Variants in PRKD1 observed in about 807,000 individuals in gnomAD.
The protein encoded by PRKD1 is serine/threonine-protein kinase D1.
A neutral mutation model predicts 95.9 loss-of-function variants in PRKD1; 63 were observed. The ratio of observed to expected loss-of-function variants is 0.66; its 90% confidence interval spans 0.54 to 0.81. The LOEUF (loss-of-function observed/expected upper bound fraction) is 0.81. Ranked by LOEUF, PRKD1 falls within the 30% of genes least tolerant of loss-of-function variation. The pLI is 0.00. For missense variants in PRKD1, 1,048 were observed against 1,165.3 expected (o/e 0.90, Z 1.47); for synonymous variants, 425 against 423.1 (o/e 1.00, Z -0.05).
intron 2 of PRKD1, among the ~76,000 whole-genome samples, chr14:29,704,386 C>G (rs540195949): frequency 2.0e-5 from 3 of 152,280 alleles, no homozygotes; most frequent in South Asian, 4.2e-4. Context: ...CATTTGGTAT[C>G]GAGTCCGACT....
At chr14:29,780,283 C>G (rs1267855956) in intron 1 of PRKD1, among the ~76,000 whole-genome samples, 1 of 152,174 alleles carries the variant, frequency 6.6e-6, no homozygotes, top group Non-Finnish European at 1.5e-5. Flanking sequence ...CCAAAATTAA[C>G]AAATGGGATC....
chr14:29,607,898 A>C (rs1242149594), intron 13 of PRKD1, among the ~76,000 whole-genome samples: 1 of 152,196 alleles, frequency 6.6e-6, no homozygotes, highest in African/African-American at 2.4e-5. Context: ...CATTCTGCCT[A>C]CCACACCATA....
At position 29,599,053 on chromosome 14, in the gene PRKD1, G is replaced by A. The variant is rs1893416354; in HGVS notation, c.2140C>T (p.Leu714=). The change falls in exon 15 of 18, where the codon CTA becomes TTA. Residue 714 remains leucine (L), a synonymous_variant. Transcript: ENST00000331968. Reference sequence around the variant, plus strand: ...TGAGGAAAAGGATCAGCTGAGGCTAGCAACACATTTTCTGGTTTGAGGTCA... The same window carrying A: ...TGAGGAAAAGGATCAGCTGAGGCTAACAACACATTTTCTGGTTTGAGGTCA... ...HCDLKPENVL[L]ASADPFPQVK... 6.2e-7 allele frequency: 1 copy of A among 1,613,728 alleles called. No individual in the cohort carries two copies.
intron 1 of PRKD1, among the ~76,000 whole-genome samples, chr14:29,881,953 T>G (rs1356224762): frequency 6.6e-6 from 1 of 152,182 alleles, no homozygotes; most frequent in Non-Finnish European, 1.5e-5. Context: ...TACTTATCCC[T>G]TCCATAGTTT....
At chr14:29,649,169 A>G in intron 4 of PRKD1, among the ~76,000 whole-genome samples, 1 of 152,112 alleles carries the variant, frequency 6.6e-6, no homozygotes, top group African/African-American at 2.4e-5. Flanking sequence ...GGCCTGCCTG[A>G]TTTTTTTAGC....
chr14:29,829,088 GCAAACC>G (rs1443737728), intron 1 of PRKD1, among the ~76,000 whole-genome samples: 1 of 152,092 alleles, frequency 6.6e-6, no homozygotes, highest in African/African-American at 2.4e-5. Context: ...CATGGCCCAG[GCAAACC>G]CAAATCCATA....
rs45540041 is a variant in PRKD1 at position 29,756,338 on chromosome 14, A to G, written c.265-30664T>C. Among the ~76,000 whole-genome samples the G allele has an allele frequency of 3.6e-3, 546 of 152,326 alleles. 7 individuals are homozygous for G. Among genetic ancestry groups the G allele is most frequent in the African/African-American group, 0.012 (486 of 41,576 alleles). On this transcript the variant is annotated intron_variant, in intron 1 of 17. Coordinates refer to ENST00000331968, the MANE Select transcript of PRKD1 (RefSeq NM_002742.3). Reference sequence around the variant, plus strand: ...AGTGTTCTTTCTCTGTACTATGCGTAAAGACTTTCTAAGTTCTTAAATCAA... The same window carrying G: ...AGTGTTCTTTCTCTGTACTATGCGTGAAGACTTTCTAAGTTCTTAAATCAA...
At chr14:29,811,431 C>T (rs754061253) in intron 1 of PRKD1, among the ~76,000 whole-genome samples, 1 of 152,150 alleles carries the variant, frequency 6.6e-6, no homozygotes, top group Non-Finnish European at 1.5e-5. Flanking sequence ...ACTGCTCGAG[C>T]CCACAGGCAG....
intron 4 of PRKD1, 118 bp from the exon 5 acceptor site, chr14:29,639,022 G>T: frequency 2.7e-6 from 2 of 730,766 alleles, no homozygotes; most frequent in Non-Finnish European, 4.3e-6. Flanking sequence ...TTAATAATAT[G>T]AAATCATACT....
Position 29,798,247 on chromosome 14 carries a change from T to G in PRKD1, c.265-72573A>C, listed in dbSNP as rs571473886. ...GAATTGCACTTTTCTGACAGCAATA[T>G]GCAGTTCCACGCAGTTCCACCCACT... On this transcript the variant is annotated intron_variant, in intron 1 of 17. Coordinates refer to ENST00000331968, the MANE Select transcript of PRKD1 (RefSeq NM_002742.3). Among the ~76,000 whole-genome samples, 27 of 152,336 alleles carry G rather than the reference T, an allele frequency of 1.8e-4. No homozygotes were observed. In the South Asian group the frequency reaches 5.6e-3, roughly 32 times the overall value.
chr14:29,708,961 T>G (rs1166989437), intron 2 of PRKD1, among the ~76,000 whole-genome samples: 1 of 152,186 alleles, frequency 6.6e-6, no homozygotes, highest in Non-Finnish European at 1.5e-5. Flanking sequence ...AGATATATTT[T>G]GGTGTACTTT....
At position 29,638,692 on chromosome 14, in the gene PRKD1, A is replaced by C; in HGVS notation, c.907+2T>G. 6.2e-7 allele frequency: 1 copy of C among 1,613,948 alleles called. No individual in the cohort carries two copies. The highest frequency in any genetic ancestry group is 8.5e-7 in the Non-Finnish European group (1 of 1,179,884). On this transcript the variant is annotated splice_donor_variant, in intron 5 of 17. Transcript: ENST00000331968. LOFTEE classifies it high-confidence loss of function. Reference sequence around the variant, plus strand: ...TTCGACAGGTGACAAAATCATCCTTACCTTTGCACTGCAAGCCCTGCCTGA... The same window carrying C: ...TTCGACAGGTGACAAAATCATCCTTCCCTTTGCACTGCAAGCCCTGCCTGA...
intron 10 of PRKD1, among the ~76,000 whole-genome samples, chr14:29,629,998 TCTTCTC>T (rs1240279450): frequency 1.4e-5 from 2 of 142,644 alleles, no homozygotes; most frequent in Admixed American, 7.0e-5. Flanking sequence ...CTCTTCTTCT[TCTTCTC>T]CTTCTCCTTC....
chr14:29,861,062 T>C (rs1226646054), intron 1 of PRKD1, among the ~76,000 whole-genome samples: 1 of 152,220 alleles, frequency 6.6e-6, no homozygotes, highest in Admixed American at 6.5e-5. Context: ...TATTAAAAAT[T>C]ATTTCAAAAT....
chr14:29,883,605 T>G (rs1390520616), intron 1 of PRKD1, among the ~76,000 whole-genome samples: 2 of 152,228 alleles, frequency 1.3e-5, no homozygotes, highest in Non-Finnish European at 2.9e-5. Flanking sequence ...TAGCTACATT[T>G]AGAAGGAACT....
At chr14:29,728,447 C>T (rs1310038818) in intron 1 of PRKD1, among the ~76,000 whole-genome samples, 1 of 152,102 alleles carries the variant, frequency 6.6e-6, no homozygotes, top group Non-Finnish European at 1.5e-5. Flanking sequence ...ACAATGTTAA[C>T]CTCAGGCACA....
chr14:29,841,197 T>C (rs1594568163), intron 1 of PRKD1, among the ~76,000 whole-genome samples: 2 of 152,332 alleles, frequency 1.3e-5, no homozygotes, highest in East Asian at 3.9e-4. Context: ...AGAAGAGACT[T>C]GCCTTGTTTC....
intron 1 of PRKD1, among the ~76,000 whole-genome samples, chr14:29,728,743 G>A (rs1473234643): frequency 6.6e-6 from 1 of 152,090 alleles, no homozygotes. Context: ...TGAACATTAT[G>A]TACAAGTGTT....
chr14:29,586,192 T>A (rs1001111355), intron 16 of PRKD1, among the ~76,000 whole-genome samples: 1 of 152,198 alleles, frequency 6.6e-6, no homozygotes, highest in Non-Finnish European at 1.5e-5. Flanking sequence ...TGGACATAAA[T>A]ATACAGAAAG....
Sources: gnomAD v4.1 joint callset for allele counts (sites outside exome capture counted in the v4.1 genomes callset) on GRCh38, gnomAD v4.1.1 for gene constraint, MANE v1.5 for transcripts, NCBI Gene and HGNC (gene_info 2026-07-23, HGNC 2026-07-21) for gene names.